The following SERTAD4 variants were observed in gnomAD, a reference collection of about 807,000 sequenced individuals.
SERTAD4 encodes SERTA domain-containing protein 4.
SERTAD4 carries 18 observed loss-of-function variants against 32.9 expected under a neutral mutation model. The observed-to-expected ratio is 0.55, with a 90% CI of 0.38 to 0.81. The LOEUF (loss-of-function observed/expected upper bound fraction) is 0.81, where lower values mean the gene tolerates loss of function less well. Ranked by LOEUF, SERTAD4 falls within the 30% of genes least tolerant of loss-of-function variation. The pLI, the probability that SERTAD4 is intolerant of heterozygous loss-of-function variation, is 0.00. For synonymous variants in SERTAD4, 150 were observed against 156.4 expected (o/e 0.96, Z 0.30); for missense variants, 383 against 426.0 (o/e 0.90, Z 0.89).
chr1:210,241,478 T>G, intron 3 of SERTAD4, 80 bp from the exon 4 acceptor site: 1 of 1,388,798 alleles, frequency 7.2e-7, no homozygotes, highest in Non-Finnish European at 9.7e-7. Flanking sequence ...TATGATGATG[T>G]TTTCATATAG....
At chr1:210,240,948 T>G (rs1477818138) in intron 3 of SERTAD4, among the ~76,000 whole-genome samples, 2 of 152,204 alleles carry the variant, frequency 1.3e-5, no homozygotes, top group Non-Finnish European at 2.9e-5. Flanking sequence ...TGACTTGCAT[T>G]TTGGCATCAT....
rs763599564 is a variant in SERTAD4 at position 210,242,067 on chromosome 1, C to T, written c.801C>T (p.Val267=). ...AGATACCTGCCAATGAAATCTTTGT[C>T]ACTAATGTCAGATCACTTGGTGTTC... The part of the protein sequence containing the change: ...DGQIPANEIF[V]TNVRSLGVQE... Residue 267 remains valine, a synonymous_variant, in exon 4 of 4, where the codon GTC becomes GTT. Coordinates refer to ENST00000367012, the MANE Select transcript of SERTAD4 (RefSeq NM_019605.5). This position sits in a 1 kb window ranked among gnomAD's most constrained non-coding sequence, Gnocchi z 4.0. 8 of 1,614,118 alleles carry T rather than the reference C, an allele frequency of 5.0e-6. No homozygotes were observed. Among genetic ancestry groups the T allele is most frequent in the Middle Eastern group, 1.6e-4 (1 of 6,062 alleles).
rs142560653 is a variant in SERTAD4, at chr1:210,238,228, T to A, written c.175+93T>A. ...GGAGGTGGTGTCTGGGGTGCCCCTCTGAGCCAGGAGAGCTAAAGCTCCAGG... is the reference window on the plus strand; with the variant it reads ...GGAGGTGGTGTCTGGGGTGCCCCTCAGAGCCAGGAGAGCTAAAGCTCCAGG... On this transcript the variant is annotated intron_variant, in intron 2 of 3. Transcript: ENST00000367012. The A allele has an allele frequency of 2.2e-4, 172 of 780,164 alleles. No individual in the cohort carries two copies. In the East Asian group the frequency reaches 4.3e-3, roughly 19 times the overall value. 48.3% of individuals were successfully genotyped at this position (780,164 alleles called of 1,614,324 possible). A position where few individuals can be genotyped will look rare whatever the true frequency, so the allele number is the denominator to read the frequency against.
At position 210,242,418 on chromosome 1, in the gene SERTAD4, G is replaced by T; in HGVS notation, c.*81G>T. 1 of 1,502,206 alleles carries T rather than the reference G, an allele frequency of 6.7e-7. No individual in the cohort carries two copies. The highest frequency in any genetic ancestry group is 8.8e-7 in the Non-Finnish European group (1 of 1,130,974). The allele number at this position is 1,502,206 out of a possible 1,614,324, so 93.1% of individuals were successfully genotyped here. On this transcript the variant is annotated 3_prime_UTR_variant, in exon 4 of 4. Transcript: ENST00000367012. The surrounding 1 kb of genome is among the most constrained non-coding windows in gnomAD (Gnocchi z 4.0). ...AATTTTATTTTGAATGGATTTTGTA[G>T]TTTTGTACAACAGATAAAATTATGC...
At chr1:210,241,534 C>CTTT in intron 3 of SERTAD4, 24 bp from the exon 4 acceptor site, 15 of 1,110,370 alleles carry the variant, frequency 1.4e-5, no homozygotes, top group African/African-American at 3.3e-5. Context: ...TTGTTTTTTT[C>CTTT]TTTTTTTTTT....
At chr1:210,240,212 C>T (rs2083981280) in intron 3 of SERTAD4, among the ~76,000 whole-genome samples, 1 of 151,916 alleles carries the variant, frequency 6.6e-6, no homozygotes, top group Non-Finnish European at 1.5e-5. Context: ...GGGGAAATTG[C>T]ATAGAATTAT....
chr1:210,238,133 C>A lies in SERTAD4; in HGVS notation c.173C>A (p.Ala58Glu), dbSNP rs1421323434. 3 of 1,601,244 alleles carry A rather than the reference C, an allele frequency of 1.9e-6. No individual in the cohort carries two copies. Among genetic ancestry groups the A allele is most frequent in the South Asian group, 1.1e-5 (1 of 89,204 alleles). Residue 58 changes from alanine (A) to glutamate (E), a missense_variant and splice_region_variant, in exon 2 of 4, where the codon GCA (alanine) becomes GAA (glutamate). Coordinates refer to ENST00000367012, the MANE Select transcript of SERTAD4 (RefSeq NM_019605.5). ...QGDRGAGPPLAGSHYRGISNP... is the reference protein window; with the variant it reads ...QGDRGAGPPLEGSHYRGISNP... ...GACCGGGGAGCTGGTCCCCCACTGG[C>A]AGGTATTGCCCTTGACCTGCGCCCA...
rs766070181 is a variant in SERTAD4, at chr1:210,238,003, GTCTC to G, written c.44_47del (p.Val15GlyfsTer54). The G allele has an allele frequency of 1.9e-6, 3 of 1,612,594 alleles. No homozygotes were observed. Among genetic ancestry groups the G allele is most frequent in the Non-Finnish European group, 2.5e-6 (3 of 1,179,552 alleles). ...CATGAATAGATTCTGCGAGCCCATTGTCTCGGAAGGAGCTGCTGAAATTGCTGGG... is the reference window on the plus strand; with the variant it reads ...CATGAATAGATTCTGCGAGCCCATTGGGAAGGAGCTGCTGAAATTGCTGGG... On this transcript the variant is annotated frameshift_variant, in exon 2 of 4. Coordinates refer to ENST00000367012, the MANE Select transcript of SERTAD4 (RefSeq NM_019605.5). LOFTEE classifies it high-confidence loss of function.
At position 210,241,695 on chromosome 1, in the gene SERTAD4, T is replaced by C; in HGVS notation, c.429T>C (p.Ile143=). 1 of 1,614,110 alleles carries C rather than the reference T, an allele frequency of 6.2e-7. No individual in the cohort carries two copies. Among genetic ancestry groups the C allele is most frequent in the Non-Finnish European group, 8.5e-7 (1 of 1,180,014 alleles). The change falls in exon 4 of 4, where the codon ATT becomes ATC. Residue 143 remains isoleucine, a synonymous_variant. Coordinates refer to ENST00000367012, the MANE Select transcript of SERTAD4 (RefSeq NM_019605.5). The stretch of plus-strand genomic sequence containing the variant: ...TGATGAAAAGGATCCATGGAGAAAT[T>C]ATCATGCAGAATAACTGGTGCTTCC... ...NNLMKRIHGE[I]IMQNNWCFPA...
chr1:210,241,621 A>G lies in SERTAD4; in HGVS notation c.355A>G (p.Ile119Val), dbSNP rs774719443. 1.9e-6 allele frequency: 3 copies of G among 1,609,874 alleles called. 1 individual carries two copies. In the South Asian group the frequency reaches 3.3e-5, roughly 18 times the overall value. ...TATGTCCTTAGAAAAGCTAAAGTTT[A>G]TCGATGATCCTGAAGTGTACCTCCG... is the stretch of plus-strand genomic sequence containing the variant. The part of the protein sequence containing the change: ...LYMSLEKLKF[I>V]DDPEVYLRRS... Residue 119 changes from isoleucine to valine, a missense_variant, in exon 4 of 4, where the codon ATC becomes GTC. Coordinates refer to ENST00000367012, the MANE Select transcript of SERTAD4 (RefSeq NM_019605.5).
intron 1 of SERTAD4, among the ~76,000 whole-genome samples, chr1:210,236,450 A>C (rs2083941175): frequency 6.6e-6 from 1 of 152,154 alleles, no homozygotes; most frequent in Non-Finnish European, 1.5e-5. Context: ...CCTCAGAGAG[A>C]AGACTGGGTG....
Position 210,245,095 on chromosome 1 carries a change from T to TCTTAA in SERTAD4, c.*2761_*2765dup, listed in dbSNP as rs1040245188. The TCTTAA allele has an allele frequency of 6.6e-6, 1 of 152,206 alleles. No homozygotes were observed. Among genetic ancestry groups the TCTTAA allele is most frequent in the Admixed American group, 6.5e-5 (1 of 15,268 alleles). 9.4% of individuals were successfully genotyped at this position (152,206 alleles called of 1,614,324 possible). On this transcript the variant is annotated 3_prime_UTR_variant, in exon 4 of 4. Coordinates refer to ENST00000367012, the MANE Select transcript of SERTAD4 (RefSeq NM_019605.5). ...GACACCCTTCATAGTAAGTTATATC[T>TCTTAA]CTTAACTGGATTCTATAGTTTTATC...
rs187984188 is a variant in SERTAD4 at position 210,242,313 on chromosome 1, C to T, written c.1047C>T (p.Cys349=). The T allele has an allele frequency of 2.6e-4, 411 of 1,582,232 alleles. No homozygotes were observed. The highest frequency in any genetic ancestry group is 3.3e-4 in the Non-Finnish European group (391 of 1,167,320). Residue 349 remains cysteine, a synonymous_variant, in exon 4 of 4, where the codon TGC becomes TGT. Coordinates refer to ENST00000367012, the MANE Select transcript of SERTAD4 (RefSeq NM_019605.5). The surrounding 1 kb of genome is among the most constrained non-coding windows in gnomAD (Gnocchi z 4.0). ...KEASPPSNKL[C]CSKGSKI is the part of the protein sequence containing the mutation. ...CTTCACCACCAAGTAACAAACTGTGCTGCAGCAAAGGAAGTAAAATATGAG... is the reference window on the plus strand; with the variant it reads ...CTTCACCACCAAGTAACAAACTGTGTTGCAGCAAAGGAAGTAAAATATGAG...
chr1:210,234,329 C>T (rs2083919880), intron 1 of SERTAD4, among the ~76,000 whole-genome samples: 2 of 152,192 alleles, frequency 1.3e-5, no homozygotes, highest in Non-Finnish European at 2.9e-5. Flanking sequence ...AGGGCTCGGG[C>T]ATCGGAGCAC....
At position 210,245,740 on chromosome 1, in the gene SERTAD4, C is replaced by A; in HGVS notation, c.*3403C>A. On this transcript the variant is annotated 3_prime_UTR_variant, in exon 4 of 4. Coordinates refer to ENST00000367012, the MANE Select transcript of SERTAD4 (RefSeq NM_019605.5). ...AACTCCATCAAGACATGGCTACCCA[C>A]CCCTCCAGTTATGAACTTGTATTAC... 4.2e-5 allele frequency: 37 copies of A among 891,006 alleles called. No individual in the cohort carries two copies. The highest frequency in any genetic ancestry group is 5.4e-5 in the African/African-American group (3 of 55,168). 55.2% of individuals were successfully genotyped at this position (891,006 alleles called of 1,614,324 possible).
rs1558258143 is a variant in SERTAD4, at chr1:210,241,833, C to T, written c.567C>T (p.Cys189=). 1 of 1,614,188 alleles carries T rather than the reference C, an allele frequency of 6.2e-7. No individual in the cohort carries two copies. The highest frequency in any genetic ancestry group is 8.5e-7 in the Non-Finnish European group (1 of 1,180,026). Residue 189 remains cysteine (C), a synonymous_variant, in exon 4 of 4, where the codon TGC becomes TGT. Coordinates refer to ENST00000367012, the MANE Select transcript of SERTAD4 (RefSeq NM_019605.5). ...AGGAATGTGAAAAGTTTCATGCCTG[C>T]TGCTTTTACCAAGAATGTGGTGGCC... ...AKEECEKFHA[C]CFYQECGGHY...
chr1:210,240,239 GC>G (rs1189109599), intron 3 of SERTAD4, among the ~76,000 whole-genome samples: 1 of 151,748 alleles, frequency 6.6e-6, no homozygotes, highest in East Asian at 1.9e-4. Context: ...GGGCATCTAA[GC>G]TTTTGAAATA....
chr1:210,239,351 C>G (rs1257349498), intron 2 of SERTAD4, 142 bp from the exon 3 acceptor site: 2 of 607,982 alleles, frequency 3.3e-6, no homozygotes, highest in African/African-American at 3.9e-5. Context: ...ACTATTAAGA[C>G]AAATGTTTAT....
At position 210,241,766 on chromosome 1, in the gene SERTAD4, C is replaced by T. The variant is rs2083997688; in HGVS notation, c.500C>T (p.Ala167Val). Reference sequence around the variant, plus strand: ...ACCTCTGCCCAAGAGTGGTTTATGGCTCAAGACTGCCCTTACCGAAAACGA... The same window carrying T: ...ACCTCTGCCCAAGAGTGGTTTATGGTTCAAGACTGCCCTTACCGAAAACGA... ...NGTSAQEWFMAQDCPYRKRPR... is the reference protein window; with the variant it reads ...NGTSAQEWFMVQDCPYRKRPR... The change falls in exon 4 of 4, where the codon GCT becomes GTT. Residue 167 changes from alanine to valine, a missense_variant. By Grantham distance (64) the Ala-to-Val change is moderately conservative. This residue lies in a region of SERTAD4 where 107 missense variants were observed against 158.8 expected (regional missense o/e 0.67). Coordinates refer to ENST00000367012, the MANE Select transcript of SERTAD4 (RefSeq NM_019605.5). 6.2e-7 allele frequency: 1 copy of T among 1,613,976 alleles called. No individual in the cohort carries two copies. The highest frequency in any genetic ancestry group is 8.5e-7 in the Non-Finnish European group (1 of 1,180,028).
Sources: gnomAD v4.1 joint callset for allele counts (sites outside exome capture counted in the v4.1 genomes callset) on GRCh38, gnomAD v4.1.1 for gene constraint, gnomAD v4.1.1 regional missense constraint, Gnocchi (gnomAD v3.1) non-coding constraint, MANE v1.5 for transcripts, NCBI Gene and HGNC (gene_info 2026-07-23, HGNC 2026-07-21) for gene names.